PCDHA11: variants seen among roughly 807,000 people sequenced by gnomAD.
PCDHA11 encodes protocadherin alpha-11.
Under a neutral mutation model 70.3 loss-of-function variants are expected in PCDHA11, and 61 were observed. The observed-to-expected ratio is 0.87, with a 90% CI of 0.71 to 1.07. PCDHA11 has a LOEUF of 1.07. Among genes scored for constraint, PCDHA11 ranks in the 50% least tolerant of loss-of-function variants. The probability of loss-of-function intolerance (pLI) is 0.00; values close to 1 mark genes in which losing one functional copy is unlikely to be tolerated. For synonymous variants in PCDHA11, 633 were observed against 555.1 expected, an observed-to-expected ratio of 1.14 and a Z score of -1.97; for missense variants, 1,324 against 1,237.5, an observed-to-expected ratio of 1.07 and a Z score of -1.05.
chr5:140,986,308 A>G (rs1399323765), intron 3 of PCDHA11, among the ~76,000 whole-genome samples: 1 of 152,162 alleles, frequency 6.6e-6, no homozygotes, highest in African/African-American at 2.4e-5. Context: ...AGAGAAAATT[A>G]GCTAAATCAG....
chr5:140,879,184 T>C (rs1368886985), intron 1 of PCDHA11, among the ~76,000 whole-genome samples: 1 of 152,136 alleles, frequency 6.6e-6, no homozygotes, highest in Admixed American at 6.5e-5. Flanking sequence ...TATCAAGTAA[T>C]GGAGACTTAA....
At chr5:140,942,638 A>T (rs1478847405) in intron 1 of PCDHA11, among the ~76,000 whole-genome samples, 1 of 152,122 alleles carries the variant, frequency 6.6e-6, no homozygotes, top group Non-Finnish European at 1.5e-5. Context: ...AAATGGCAAA[A>T]GAGATCTCAT....
chr5:140,882,583 C>A, intron 1 of PCDHA11: 1 of 1,614,232 alleles, frequency 6.2e-7, no homozygotes, highest in Non-Finnish European at 8.5e-7. Flanking sequence ...GCAGCATCCA[C>A]CTGGAGGTGA....
chr5:140,894,971 G>A (rs1231249838), intron 1 of PCDHA11, among the ~76,000 whole-genome samples: 1 of 152,010 alleles, frequency 6.6e-6, no homozygotes, highest in African/African-American at 2.4e-5. Context: ...ATTTTTTAAT[G>A]TCTTACTTTG....
At chr5:140,889,949 A>C (rs1444545834) in intron 1 of PCDHA11, among the ~76,000 whole-genome samples, 1 of 152,202 alleles carries the variant, frequency 6.6e-6, no homozygotes. Flanking sequence ...GAGAAGCCAA[A>C]TGGATAGAAA....
At position 140,869,056 on chromosome 5, in the gene PCDHA11, GTAC is replaced by G; in HGVS notation, c.-46_-44del. ...TTTTAACCTGAAACTGAAGAATCTG[GTAC>G]TGTAAGTGTAAAGAAGCTTATTTTG... is the stretch of plus-strand genomic sequence containing the variant. On this transcript the variant is annotated 5_prime_UTR_variant, in exon 1 of 4. Transcript: ENST00000398640. 1.3e-6 allele frequency: 2 copies of G among 1,549,424 alleles called. No individual in the cohort carries two copies. Among genetic ancestry groups the G allele is most frequent in the Non-Finnish European group, 1.7e-6 (2 of 1,151,484 alleles).
In PCDHA11 at chr5:140,874,725, T is replaced by C. The variant is rs181567985; in HGVS notation, c.2391+3231T>C. Among the ~76,000 whole-genome samples, 426 of 152,372 alleles carry C rather than the reference T, an allele frequency of 2.8e-3. 2 individuals are homozygous for C. Among genetic ancestry groups the C allele is most frequent in the Middle Eastern group, 0.014 (4 of 294 alleles). On this transcript the variant is annotated intron_variant, in intron 1 of 3. Transcript: ENST00000398640. The stretch of plus-strand genomic sequence containing the variant: ...ATGAGAGCAGTTATGTGAAAAGTTA[T>C]CACATTCAAGCATCAAGGAACCAAA...
intron 1 of PCDHA11, among the ~76,000 whole-genome samples, chr5:140,878,675 G>C (rs1582445027): frequency 6.6e-6 from 1 of 152,048 alleles, no homozygotes; most frequent in East Asian, 1.9e-4. Flanking sequence ...TTTAACCAGG[G>C]AATAAAGTCT....
chr5:140,928,861 A>C (rs781787998), intron 1 of PCDHA11: 3 of 1,614,164 alleles, frequency 1.9e-6, no homozygotes, highest in Non-Finnish European at 2.5e-6. Context: ...TGTGCTGTTG[A>C]GCAACTCTGT....
intron 1 of PCDHA11, among the ~76,000 whole-genome samples, chr5:140,942,409 TAAA>T (rs78736997): frequency 7.0e-6 from 1 of 143,620 alleles, no homozygotes; most frequent in Non-Finnish European, 1.5e-5. Context: ...AGACTCTGTT[TAAA>T]AAAAAAAAAG....
chr5:140,987,805 C>T (rs2097269328), intron 3 of PCDHA11, among the ~76,000 whole-genome samples: 3 of 152,140 alleles, frequency 2.0e-5, no homozygotes. Flanking sequence ...TTTAAAGTGC[C>T]TGTCTCTTTG....
At chr5:140,882,113 G>C in intron 1 of PCDHA11, 1 of 1,394,318 alleles carries the variant, frequency 7.2e-7, no homozygotes, top group South Asian at 1.5e-5. Context: ...GAAGAAAGCC[G>C]CCGTTTCTTT....
chr5:140,991,310 C>T (rs1450251256), intron 3 of PCDHA11, among the ~76,000 whole-genome samples: 2 of 152,140 alleles, frequency 1.3e-5, no homozygotes, highest in Admixed American at 6.5e-5. Flanking sequence ...TATCTTGTCC[C>T]GCATGATACA....
At chr5:140,957,893 C>T (rs1554223179) in intron 1 of PCDHA11, among the ~76,000 whole-genome samples, 1 of 151,938 alleles carries the variant, frequency 6.6e-6, no homozygotes, top group Non-Finnish European at 1.5e-5. Flanking sequence ...AAGTTGGCAT[C>T]AACCAAGGCA....
Position 140,996,899 on chromosome 5 carries a change from C to T in PCDHA11, c.2540-12728C>T, listed in dbSNP as rs529654978. Among the ~76,000 whole-genome samples, 7 of 152,226 alleles carry T rather than the reference C, an allele frequency of 4.6e-5. No individual in the cohort carries two copies. The South Asian group carries it at 1.4e-3, about 32-fold the overall frequency. ...TGTATTTTTAAATAAAATAGAATTA[C>T]ATTGTTGAAGTAAATATTAAAAAAT... is the stretch of plus-strand genomic sequence containing the variant. On this transcript the variant is annotated intron_variant, in intron 3 of 3. Transcript: ENST00000398640.
chr5:140,978,721 A>C (rs2096819896), intron 1 of PCDHA11, among the ~76,000 whole-genome samples: 1 of 152,236 alleles, frequency 6.6e-6, no homozygotes, highest in African/African-American at 2.4e-5. Flanking sequence ...CAAGATTATT[A>C]AATCTGGTCT....
rs377029109 is a variant in PCDHA11, at chr5:141,002,346, C to G, written c.2540-7281C>G. On this transcript the variant is annotated intron_variant, in intron 3 of 3. Coordinates refer to ENST00000398640, the MANE Select transcript of PCDHA11 (RefSeq NM_018902.5). Reference sequence around the variant, plus strand: ...CGGGCTGCATCCGCACCCCTTCCCCCACCTCCACTCCTTTCAACTCATTCT... The same window carrying G: ...CGGGCTGCATCCGCACCCCTTCCCCGACCTCCACTCCTTTCAACTCATTCT... Among the ~76,000 whole-genome samples, 17 of 152,370 alleles carry G rather than the reference C, an allele frequency of 1.1e-4. No homozygotes were observed. The East Asian group carries it at 2.7e-3, about 24-fold the overall frequency.
chr5:140,928,379 G>C, intron 1 of PCDHA11: 1 of 1,614,172 alleles, frequency 6.2e-7, no homozygotes, highest in Non-Finnish European at 8.5e-7. Flanking sequence ...TCAGCCTCTA[G>C]CTTGCTGGCA....
Position 140,870,794 on chromosome 5 carries a change from T to C in PCDHA11, c.1691T>C (p.Leu564Pro). 1.2e-6 allele frequency: 2 copies of C among 1,613,684 alleles called. No individual in the cohort carries two copies. Among genetic ancestry groups the C allele is most frequent in the South Asian group, 2.2e-5 (2 of 91,080 alleles). The change falls in exon 1 of 4, where the codon CTG becomes CCG. Residue 564 changes from leucine (L) to proline (P), a missense_variant. Physicochemically the swap from Leu to Pro is moderately conservative, Grantham distance 98 (BLOSUM62 -3). Transcript: ENST00000398640. ...GACGAGAACGACAACGCGCCGGCACTGCTGGCGACTCAGGCTGGCAGCGCG... is the reference window on the plus strand; with the variant it reads ...GACGAGAACGACAACGCGCCGGCACCGCTGGCGACTCAGGCTGGCAGCGCG... ...VLDENDNAPA[L>P]LATQAGSAGG...
Sources: gnomAD v4.1 joint callset for allele counts (sites outside exome capture counted in the v4.1 genomes callset) on GRCh38, gnomAD v4.1.1 for gene constraint, MANE v1.5 for transcripts, NCBI Gene and HGNC (gene_info 2026-07-23, HGNC 2026-07-21) for gene names.